ST14: variants seen among roughly 807,000 people sequenced by gnomAD.
ST14 encodes suppressor of tumorigenicity 14 protein.
Under a neutral mutation model 96.5 loss-of-function variants are expected in ST14, and 40 were observed. The observed-to-expected ratio is 0.41, with a 90% CI of 0.32 to 0.54. The LOEUF (loss-of-function observed/expected upper bound fraction) is 0.54, where lower values mean the gene tolerates loss of function less well. Ranked by LOEUF, ST14 falls within the 20% of genes least tolerant of loss-of-function variation. The pLI is 0.17. For synonymous variants in ST14, 506 were observed against 492.1 expected, an observed-to-expected ratio of 1.03 and a Z score of -0.37; for missense variants, 1,066 against 1,188.9, an observed-to-expected ratio of 0.90 and a Z score of 1.52.
At position 130,190,711 on chromosome 11, in the gene ST14, G is replaced by A. The variant is rs1404124199; in HGVS notation, c.875+17G>A. The A allele has an allele frequency of 1.5e-5, 23 of 1,558,040 alleles. No homozygotes were observed. Among genetic ancestry groups the A allele is most frequent in the South Asian group, 3.5e-5 (3 of 84,786 alleles). Reference sequence around the variant, plus strand: ...CCTGGTGCAGTGAGTACCCCGGGGGGCGGGTAGGGCTGTGGGAGCTTGGCG... The same window carrying A: ...CCTGGTGCAGTGAGTACCCCGGGGGACGGGTAGGGCTGTGGGAGCTTGGCG... On this transcript the variant is annotated intron_variant, in intron 7 of 18. Coordinates refer to ENST00000278742, the MANE Select transcript of ST14 (RefSeq NM_021978.4).
At chr11:130,166,731 G>A (rs1195437660) in intron 1 of ST14, among the ~76,000 whole-genome samples, 1 of 152,212 alleles carries the variant, frequency 6.6e-6, no homozygotes, top group East Asian at 1.9e-4. Flanking sequence ...CAGAAACCAC[G>A]AGACCCAGAG....
intron 16 of ST14, among the ~76,000 whole-genome samples, chr11:130,206,565 TTC>T (rs1407954524): frequency 3.0e-5 from 3 of 100,208 alleles, no homozygotes; most frequent in African/African-American, 1.2e-4. Context: ...CTCTTTTCTT[TTC>T]TTTTTTTTTT....
chr11:130,181,778 A>G lies in ST14; in HGVS notation c.82-6336A>G, dbSNP rs1953195824. Among the ~76,000 whole-genome samples, 1 of 152,228 alleles carries G rather than the reference A, an allele frequency of 6.6e-6. No homozygotes were observed. Among genetic ancestry groups the G allele is most frequent in the African/African-American group, 2.4e-5 (1 of 41,458 alleles). On this transcript the variant is annotated intron_variant, in intron 1 of 18. Coordinates refer to ENST00000278742, the MANE Select transcript of ST14 (RefSeq NM_021978.4). This position sits in a 1 kb window ranked among gnomAD's most constrained non-coding sequence, Gnocchi z 4.1. ...CAATAAAACGATGGGATTATGCAAC[A>G]GTATCTCTGTTACACCTGAAAATGG...
Position 130,200,229 on chromosome 11 carries a change from T to C in ST14, c.1994+92T>C, listed in dbSNP as rs1392861834. On this transcript the variant is annotated intron_variant, in intron 16 of 18. Coordinates refer to ENST00000278742, the MANE Select transcript of ST14 (RefSeq NM_021978.4). ...ATAGGTTGGCACCGAGGCAGGGCAC[T>C]GGAGGGGTGGCCACATGTGTTAGTC... The C allele has an allele frequency of 7.6e-6, 11 of 1,456,132 alleles. No homozygotes were observed. The Admixed American group carries it at 1.9e-4, about 25-fold the overall frequency. 90.2% of individuals were successfully genotyped at this position (1,456,132 alleles called of 1,614,324 possible). A position where few individuals can be genotyped will look rare whatever the true frequency, so the allele number is the denominator to read the frequency against.
Position 130,197,982 on chromosome 11 carries a change from C to T in ST14, c.1459+37C>T, listed in dbSNP as rs3765078. On this transcript the variant is annotated intron_variant, in intron 12 of 18. Transcript: ENST00000278742. ...TGGGAGCCCCGGTCTCCCCACCCTC[C>T]TTCCCCACCCTGCCCGCGTCCCATG... The T allele has an allele frequency of 4.9e-3, 7,496 of 1,532,118 alleles. 246 individuals are homozygous for T. The East Asian group carries it at 0.071, about 15-fold the overall frequency. The allele number at this position is 1,532,118 out of a possible 1,614,324, so 94.9% of individuals were successfully genotyped here.
At chr11:130,207,720 GACACA>G (rs760583031) in intron 16 of ST14, among the ~76,000 whole-genome samples, 2 of 152,308 alleles carry the variant, frequency 1.3e-5, no homozygotes, top group African/African-American at 2.4e-5. Flanking sequence ...AACAAACTTA[GACACA>G]ACACAACATA....
intron 1 of ST14, among the ~76,000 whole-genome samples, chr11:130,163,590 C>T (rs1034642483): frequency 6.6e-6 from 1 of 152,120 alleles, no homozygotes; most frequent in Non-Finnish European, 1.5e-5. Context: ...TTCTCTAGAG[C>T]ATGTGCTGGG....
chr11:130,185,911 G>T (rs138014624), intron 1 of ST14, among the ~76,000 whole-genome samples: 6 of 152,038 alleles, frequency 3.9e-5, no homozygotes. Flanking sequence ...GAATTCAAGC[G>T]ATTCTCCTGC....
chr11:130,194,884 G>T, intron 9 of ST14, 147 bp downstream of exon 9: 1 of 811,516 alleles, frequency 1.2e-6, no homozygotes, highest in Non-Finnish European at 2.0e-6. Flanking sequence ...GTGCGTATGT[G>T]TGTGTGTGAG....
chr11:130,200,943 T>C (rs1953420852), intron 16 of ST14, among the ~76,000 whole-genome samples: 1 of 152,240 alleles, frequency 6.6e-6, no homozygotes, highest in African/African-American at 2.4e-5. Flanking sequence ...ATGCTCCAGC[T>C]CTGGCTTGCC....
intron 1 of ST14, among the ~76,000 whole-genome samples, chr11:130,179,814 C>T (rs969072531): frequency 2.0e-5 from 3 of 152,212 alleles, no homozygotes; most frequent in East Asian, 1.9e-4. Context: ...GGGCTTGAGC[C>T]GTGCTGGGTT....
chr11:130,185,809 CT>C (rs901784635), intron 1 of ST14, among the ~76,000 whole-genome samples: 8 of 149,026 alleles, frequency 5.4e-5, no homozygotes, highest in Admixed American at 1.3e-4. Flanking sequence ...AAAATTCTTT[CT>C]TTTTTTTTTG....
At chr11:130,202,615 G>A (rs932275160) in intron 16 of ST14, among the ~76,000 whole-genome samples, 1 of 152,218 alleles carries the variant, frequency 6.6e-6, no homozygotes, top group African/African-American at 2.4e-5. Context: ...CAGAGGCAGG[G>A]AGGTGTGAGA....
chr11:130,163,287 T>A (rs1251971937), intron 1 of ST14, among the ~76,000 whole-genome samples: 1 of 152,178 alleles, frequency 6.6e-6, no homozygotes, highest in Admixed American at 6.5e-5. Context: ...ACCTTCTGAT[T>A]TTCATTCCCC....
intron 1 of ST14, among the ~76,000 whole-genome samples, chr11:130,161,911 G>A (rs1358599392): frequency 2.6e-5 from 4 of 152,134 alleles, no homozygotes; most frequent in Admixed American, 6.5e-5. Flanking sequence ...GCTGTGAGGC[G>A]GAGTGTCCAG....
intron 14 of ST14, 109 bp from the exon 15 acceptor site, chr11:130,198,838 G>C (rs988753939): frequency 4.8e-5 from 77 of 1,603,344 alleles, no homozygotes; most frequent in Non-Finnish European, 6.2e-5. Flanking sequence ...GGGCAGGCCT[G>C]GGTGAGGGGG....
chr11:130,193,033 C>G (rs2136214433), intron 7 of ST14, among the ~76,000 whole-genome samples: 1 of 152,140 alleles, frequency 6.6e-6, no homozygotes, highest in Middle Eastern at 3.4e-3. Context: ...GTAATAGTAT[C>G]TACTTCATAG....
intron 9 of ST14, among the ~76,000 whole-genome samples, chr11:130,195,462 G>A (rs1393317240): frequency 2.0e-5 from 3 of 152,110 alleles, no homozygotes; most frequent in Admixed American, 6.6e-5. Context: ...CAGAGGCGCC[G>A]TCAGGAAGAA....
chr11:130,164,393 C>T (rs1350681074), intron 1 of ST14, among the ~76,000 whole-genome samples: 1 of 151,838 alleles, frequency 6.6e-6, no homozygotes, highest in African/African-American at 2.4e-5. Flanking sequence ...CCAAGTATTA[C>T]CCTTCTCAGA....
Sources: allele counts gnomAD v4.1 joint callset (sites outside exome capture counted in the v4.1 genomes callset), GRCh38; gene constraint gnomAD v4.1.1; non-coding constraint Gnocchi (gnomAD v3.1); transcripts MANE v1.5; gene names NCBI Gene and HGNC (gene_info 2026-07-23, HGNC 2026-07-21).